STX11: variants seen among roughly 807,000 people sequenced by gnomAD.
The protein encoded by STX11 is syntaxin 11, also known as syntaxin-11.
A neutral mutation model predicts 19.9 loss-of-function variants in STX11; 21 were observed. The ratio of observed to expected loss-of-function variants is 1.06; its 90% CI spans 0.75 to 1.52. STX11 has a LOEUF of 1.52. Among genes scored for constraint, STX11 ranks in the 40% most tolerant of loss-of-function variants. STX11 has a pLI of 0.00. For synonymous variants in STX11, 193 were observed against 174.4 expected, an observed-to-expected ratio of 1.11 and a Z score of -0.84; for missense variants, 438 against 405.9, an observed-to-expected ratio of 1.08 and a Z score of -0.68.
At position 144,186,663 on chromosome 6, in the gene STX11, C is replaced by G; in HGVS notation, c.36C>G (p.Ser12=). The G allele has an allele frequency of 6.2e-7, 1 of 1,614,166 alleles. No individual in the cohort carries two copies. The highest frequency in any genetic ancestry group is 2.2e-5 in the East Asian group (1 of 44,888). Residue 12 remains serine (S), a synonymous_variant, in exon 2 of 2, where the codon TCC becomes TCG. Coordinates refer to ENST00000367568, the MANE Select transcript of STX11 (RefSeq NM_003764.4). ...GGCTAGCAGAACTTCTGGACTTGTCCAAGCAATATGACCAGCAGTTCCCAG... is the reference window on the plus strand; with the variant it reads ...GGCTAGCAGAACTTCTGGACTTGTCGAAGCAATATGACCAGCAGTTCCCAG... The part of the protein sequence containing the change: ...KDRLAELLDL[S]KQYDQQFPDG...
chr6:144,187,199 A>G lies in STX11; in HGVS notation c.572A>G (p.Glu191Gly). 7 of 1,613,938 alleles carry G rather than the reference A, an allele frequency of 4.3e-6. No individual in the cohort carries two copies. The highest frequency in any genetic ancestry group is 5.9e-6 in the Non-Finnish European group (7 of 1,179,978). Residue 191 changes from glutamate to glycine, a missense_variant, in exon 2 of 2, where the codon GAG becomes GGG. Glu to Gly is a moderately conservative substitution (Grantham distance 98, BLOSUM62 -2). Transcript: ENST00000367568. This position sits in a 1 kb window ranked among gnomAD's most constrained non-coding sequence, Gnocchi z 5.6. ...CAGGGTAAGTGGGACGTGTTTTCCG[A>G]GAACTTGCTGGCCGACGTGAAGGGC... is the stretch of plus-strand genomic sequence containing the variant. ...FEQGKWDVFS[E>G]NLLADVKGAR...
At chr6:144,146,504 G>A (rs1313621673), upstream of STX11, among the ~76,000 whole-genome samples, 1 of 152,290 alleles carries the variant, frequency 6.6e-6, no homozygotes, top group African/African-American at 2.4e-5. The surrounding 1 kb of genome is among the most constrained non-coding windows in gnomAD (Gnocchi z 4.4). Flanking sequence ...TAGAGACGGG[G>A]TTTCTCCATG....
rs2128748955 is a variant in STX11, at chr6:144,160,802, A to G, written c.-6+10099A>G. 6.6e-6 allele frequency among the ~76,000 whole-genome samples: 1 copy of G among 152,338 alleles called. No homozygotes were observed. Among genetic ancestry groups the G allele is most frequent in the Middle Eastern group, 3.4e-3 (1 of 294 alleles). On this transcript the variant is annotated intron_variant, in intron 1 of 1. Transcript: ENST00000367568. This position sits in a 1 kb window ranked among gnomAD's most constrained non-coding sequence, Gnocchi z 4.3. ...CAAAAAAACTGGAACTATAAATTATAGTGCAAGTGAACATTTAACTCAGGC... is the reference window on the plus strand; with the variant it reads ...CAAAAAAACTGGAACTATAAATTATGGTGCAAGTGAACATTTAACTCAGGC...
In STX11 at chr6:144,162,700, C is replaced by A. The variant is rs1273441102; in HGVS notation, c.-6+11997C>A. Among the ~76,000 whole-genome samples, 1 of 152,156 alleles carries A rather than the reference C, an allele frequency of 6.6e-6. No homozygotes were observed. The highest frequency in any genetic ancestry group is 1.5e-5 in the Non-Finnish European group (1 of 68,028). On this transcript the variant is annotated intron_variant, in intron 1 of 1. Transcript: ENST00000367568. The surrounding 1 kb of genome is among the most constrained non-coding windows in gnomAD (Gnocchi z 4.6). Reference sequence around the variant, plus strand: ...GGGGATGGGAAAGGTTGAGGGACATCTCTGGTTGGAGGGCATCTCCAGAAG... The same window carrying A: ...GGGGATGGGAAAGGTTGAGGGACATATCTGGTTGGAGGGCATCTCCAGAAG...
chr6:144,143,512 G>GGA, the STX11 span, among the ~76,000 whole-genome samples: 1 of 152,134 alleles, frequency 6.6e-6, no homozygotes, highest in Non-Finnish European at 1.5e-5. Flanking sequence ...AACCAGGAAG[G>GGA]GAGAGAGAGA....
chr6:144,149,585 T>C (rs1401680372), upstream of STX11, among the ~76,000 whole-genome samples: 1 of 152,176 alleles, frequency 6.6e-6, no homozygotes, highest in African/African-American at 2.4e-5. The surrounding 1 kb of genome is among the most constrained non-coding windows in gnomAD (Gnocchi z 5.1). Flanking sequence ...CAAGTGATCC[T>C]CCCACCTTAG....
rs1333822798 is a variant in STX11, at chr6:144,174,494, C to T, written c.-5-12129C>T. ...AAGCGATCTTCCAGCCTTAGCCTCC[C>T]GAGTAGCTGGGACTGCAGGTGTGCA... is the stretch of plus-strand genomic sequence containing the variant. On this transcript the variant is annotated intron_variant, in intron 1 of 1. Transcript: ENST00000367568. The surrounding 1 kb of genome is among the most constrained non-coding windows in gnomAD (Gnocchi z 5.3). 6.6e-6 allele frequency among the ~76,000 whole-genome samples: 1 copy of T among 152,070 alleles called. No homozygotes were observed. The highest frequency in any genetic ancestry group is 1.5e-5 in the Non-Finnish European group (1 of 68,008).
At position 144,187,386 on chromosome 6, in the gene STX11, C is replaced by A. The variant is rs369303487; in HGVS notation, c.759C>A (p.Val253=). ...NVIELNVQKT[V]DYTGQAKAQV... is the part of the protein sequence containing the mutation. Reference sequence around the variant, plus strand: ...TCGAGCTCAACGTACAAAAGACGGTCGACTACACCGGCCAGGCCAAGGCGC... The same window carrying A: ...TCGAGCTCAACGTACAAAAGACGGTAGACTACACCGGCCAGGCCAAGGCGC... Residue 253 remains valine, a synonymous_variant, in exon 2 of 2, where the codon GTC becomes GTA. Transcript: ENST00000367568. The surrounding 1 kb of genome is among the most constrained non-coding windows in gnomAD (Gnocchi z 5.6). 60 of 1,610,594 alleles carry A rather than the reference C, an allele frequency of 3.7e-5. No homozygotes were observed. Among genetic ancestry groups the A allele is most frequent in the Non-Finnish European group, 4.6e-5 (54 of 1,179,976 alleles).
In STX11 at chr6:144,156,012, TTCTC is replaced by T. The variant is rs1449714751; in HGVS notation, c.-6+5313_-6+5316del. On this transcript the variant is annotated intron_variant, in intron 1 of 1. Transcript: ENST00000367568. ...TTTCTTTCTTTCTTTCTTTCTTTCT[TTCTC>T]TCTTTCTCTCCTTCCTTCCTTCCTT... Among the ~76,000 whole-genome samples, 11 of 104,272 alleles carry T rather than the reference TTCTC, an allele frequency of 1.1e-4. No homozygotes were observed. In the South Asian group the frequency reaches 1.7e-3, roughly 16 times the overall value. The allele number at this position is 104,272 out of a possible 152,430, so 68.4% of individuals were successfully genotyped here. A position where few individuals can be genotyped will look rare whatever the true frequency, so the allele number is the denominator to read the frequency against.
the STX11 span, among the ~76,000 whole-genome samples, chr6:144,140,240 A>T: frequency 1.0e-4 from 5 of 48,636 alleles, no homozygotes; most frequent in East Asian, 5.2e-4. Context: ...ATATATATAT[A>T]TATATATATA....
Position 144,174,885 on chromosome 6 carries a change from C to T in STX11, c.-5-11738C>T, listed in dbSNP as rs1212892777. ...CAGTGGCACACATCTGTAATTACAG[C>T]ACTTTGGGAGGTTGAGGCAGAGGGG... On this transcript the variant is annotated intron_variant, in intron 1 of 1. Coordinates refer to ENST00000367568, the MANE Select transcript of STX11 (RefSeq NM_003764.4). This position sits in a 1 kb window ranked among gnomAD's most constrained non-coding sequence, Gnocchi z 5.3. Among the ~76,000 whole-genome samples, 1 of 152,098 alleles carries T rather than the reference C, an allele frequency of 6.6e-6. No homozygotes were observed. The highest frequency in any genetic ancestry group is 1.5e-5 in the Non-Finnish European group (1 of 68,010).
Position 144,174,609 on chromosome 6 carries a change from C to A in STX11, c.-5-12014C>A, listed in dbSNP as rs1801731637. 6.6e-6 allele frequency among the ~76,000 whole-genome samples: 1 copy of A among 152,100 alleles called. No homozygotes were observed. Among genetic ancestry groups the A allele is most frequent in the Admixed American group, 6.6e-5 (1 of 15,266 alleles). ...TCTTGAACTCCTGGGCACAAGCGAT[C>A]CACCCGCCTTGGCCTCCCAAGCCAG... On this transcript the variant is annotated intron_variant, in intron 1 of 1. Transcript: ENST00000367568. The surrounding 1 kb of genome is among the most constrained non-coding windows in gnomAD (Gnocchi z 5.3).
In STX11 at chr6:144,169,663, CCCTTCCTT is replaced by C. The variant is rs144586806; in HGVS notation, c.-5-16942_-5-16935del. 1.0e-4 allele frequency among the ~76,000 whole-genome samples: 14 copies of C among 139,668 alleles called. No homozygotes were observed. In the East Asian group the frequency reaches 2.3e-3, roughly 23 times the overall value. The allele number at this position is 139,668 out of a possible 152,430, so 91.6% of individuals were successfully genotyped here. A position where few individuals can be genotyped will look rare whatever the true frequency, so the allele number is the denominator to read the frequency against. On this transcript the variant is annotated intron_variant, in intron 1 of 1. Transcript: ENST00000367568. The surrounding 1 kb of genome is among the most constrained non-coding windows in gnomAD (Gnocchi z 5.2). ...CTCCTTTTCTTTTCCCTCCCTCCCT[CCCTTCCTT>C]CCTTCCTTCCTTCCTTCTTTCTTTC... is the stretch of plus-strand genomic sequence containing the variant.
chr6:144,164,068 A>G (rs1801415130), intron 1 of STX11, among the ~76,000 whole-genome samples: 1 of 152,230 alleles, frequency 6.6e-6, no homozygotes, highest in East Asian at 1.9e-4. Context: ...TGACCTCATC[A>G]TATCATGCCT....
Position 144,186,756 on chromosome 6 carries a change from C to G in STX11, c.129C>G (p.Ser43=). The change falls in exon 2 of 2, where the codon TCC becomes TCG. Residue 43 remains serine (S), a synonymous_variant. Coordinates refer to ENST00000367568, the MANE Select transcript of STX11 (RefSeq NM_003764.4). ...IVFETDHILE[S]LYRDIRDIQD... ...TCGAGACGGACCACATCCTGGAGTCCCTGTACCGAGACATCCGGGACATTC... is the reference window on the plus strand; with the variant it reads ...TCGAGACGGACCACATCCTGGAGTCGCTGTACCGAGACATCCGGGACATTC... 6.2e-7 allele frequency: 1 copy of G among 1,614,094 alleles called. No homozygotes were observed. The highest frequency in any genetic ancestry group is 8.5e-7 in the Non-Finnish European group (1 of 1,180,034).
chr6:144,158,454 A>G (rs899098168), intron 1 of STX11, among the ~76,000 whole-genome samples: 1 of 152,204 alleles, frequency 6.6e-6, no homozygotes, highest in Non-Finnish European at 1.5e-5. Context: ...GGGGATGGGA[A>G]TCAGTGAACT....
chr6:144,143,832 C>T, the STX11 span, among the ~76,000 whole-genome samples: 1 of 152,164 alleles, frequency 6.6e-6, no homozygotes. Context: ...CTTATGGTAA[C>T]AGGTGTTTAC....
Position 144,188,594 on chromosome 6 carries a change from G to A in STX11, c.*1103G>A, listed in dbSNP as rs1802129053. On this transcript the variant is annotated 3_prime_UTR_variant, in exon 2 of 2. Transcript: ENST00000367568. ...CATTCCTTCCATGCATTGAAATGGA[G>A]AAATTCAAAGTAAAAGAATTCTGTT... Among the ~76,000 whole-genome samples, 1 of 152,066 alleles carries A rather than the reference G, an allele frequency of 6.6e-6. No individual in the cohort carries two copies. The highest frequency in any genetic ancestry group is 2.4e-5 in the African/African-American group (1 of 41,410).
At chr6:144,140,905 C>A in the STX11 span, 1 of 583,014 alleles carries the variant, frequency 1.7e-6, no homozygotes, top group Non-Finnish European at 2.2e-6. Flanking sequence ...TTTAATGTAT[C>A]TGTGAAAATT....
Sources: gnomAD v4.1 joint callset for allele counts (sites outside exome capture counted in the v4.1 genomes callset) on GRCh38, gnomAD v4.1.1 for gene constraint, Gnocchi (gnomAD v3.1) non-coding constraint, MANE v1.5 for transcripts, NCBI Gene and HGNC (gene_info 2026-07-23, HGNC 2026-07-21) for gene names.